The following RYR2 variants were observed in gnomAD, a reference collection of about 807,000 sequenced individuals.
RYR2 encodes cardiac muscle ryanodine receptor-calcium release channel.
A neutral mutation model predicts 601.1 loss-of-function variants in RYR2; 227 were observed. That is an observed-to-expected ratio of 0.38 (90% CI 0.34 to 0.42). The LOEUF is 0.42. Among genes scored for constraint, RYR2 ranks in the 10% least tolerant of loss-of-function variants. The probability of loss-of-function intolerance (pLI) is 1.00; values close to 1 mark genes in which losing one functional copy is unlikely to be tolerated. For synonymous variants in RYR2, 2,223 were observed against 2,175.1 expected, an observed-to-expected ratio of 1.02 and a Z score of -0.61; for missense variants, 4,646 against 6,156.5, an observed-to-expected ratio of 0.75 and a Z score of 8.21.
chr1:237,511,848 A>C (rs956215049), intron 24 of RYR2, 57 bp downstream of exon 24: 6 of 1,023,060 alleles, frequency 5.9e-6, no homozygotes, highest in South Asian at 3.5e-5. Context: ...AAAAAAAAAA[A>C]AAAAAAAAAA....
chr1:237,614,399 C>T lies in RYR2; in HGVS notation c.5271C>T (p.Leu1757=). The T allele has an allele frequency of 6.2e-7, 1 of 1,614,040 alleles. No homozygotes were observed. The highest frequency in any genetic ancestry group is 1.1e-5 in the South Asian group (1 of 91,086). ...CAGGGATCGGCCTCAGCACCTCCCT[C>T]AGGCCACGGATGCAGTTTTCCTCCC... ...GLPGIGLSTS[L]RPRMQFSSPS... is the part of the protein sequence containing the mutation. Residue 1757 remains leucine, a synonymous_variant, in exon 37 of 105, where the codon CTC becomes CTT. Transcript: ENST00000366574. The surrounding 1 kb of genome is among the most constrained non-coding windows in gnomAD (Gnocchi z 4.3).
chr1:237,258,212 T>G (rs1688181703), intron 1 of RYR2, among the ~76,000 whole-genome samples: 4 of 150,392 alleles, frequency 2.7e-5, no homozygotes, highest in African/African-American at 7.3e-5. Flanking sequence ...AGAAAAGGGC[T>G]TTGCACATCT....
At chr1:237,092,532 C>CT (rs1218132883) in intron 1 of RYR2, among the ~76,000 whole-genome samples, 48 of 99,126 alleles carry the variant, frequency 4.8e-4, no homozygotes, top group African/African-American at 1.6e-3. Context: ...TTTTTTTTTC[C>CT]TTTTTTTTTG....
At chr1:237,224,479 A>G (rs976685698) in intron 1 of RYR2, among the ~76,000 whole-genome samples, 5 of 152,178 alleles carry the variant, frequency 3.3e-5, no homozygotes. Flanking sequence ...TCTATTAGTA[A>G]TGGTAATAGC....
chr1:237,443,891 A>G (rs1049564315), intron 13 of RYR2, among the ~76,000 whole-genome samples: 13 of 152,196 alleles, frequency 8.5e-5, no homozygotes, highest in African/African-American at 3.1e-4. Context: ...CTCACCTGTG[A>G]AACCAGCTGG....
chr1:237,755,038 C>T (rs1276606499), intron 80 of RYR2: 1 of 1,280,588 alleles, frequency 7.8e-7, no homozygotes, highest in South Asian at 1.3e-5. Flanking sequence ...CAAAAAAAAC[C>T]CTGATCAATT....
intron 100 of RYR2, 66 bp from the exon 101 acceptor site, chr1:237,818,970 C>G (rs2275691): frequency 7.0e-7 from 1 of 1,428,410 alleles, no homozygotes; most frequent in South Asian, 1.3e-5. Context: ...AGAGATAACT[C>G]GGGTTTGTCG....
intron 14 of RYR2, among the ~76,000 whole-genome samples, chr1:237,452,439 TTAA>T (rs3035863): frequency 0.52 from 74,842 of 144,126 alleles, 20,808 homozygotes; most frequent in East Asian, 0.74. Flanking sequence ...ATATTATACA[TTAA>T]TAATATACTA....
At chr1:237,441,165 C>T (rs927193400) in intron 12 of RYR2, among the ~76,000 whole-genome samples, 154 bp from the exon 13 acceptor site, 7 of 152,048 alleles carry the variant, frequency 4.6e-5, no homozygotes, top group Non-Finnish European at 7.4e-5. Flanking sequence ...AGTTAGAGGT[C>T]GAACTGTTAG....
chr1:237,414,887 AG>A (rs1704805983), intron 10 of RYR2, among the ~76,000 whole-genome samples: 1 of 152,210 alleles, frequency 6.6e-6, no homozygotes, highest in African/African-American at 2.4e-5. Context: ...AAACCCTCAA[AG>A]GGAGAGGATT....
Position 237,627,928 on chromosome 1 carries a change from G to T in RYR2, c.6288G>T (p.Gly2096=). ...VLLHRQYDGI[G]GLVRALPKTY... ...TCCATCGGCAGTATGACGGCATTGGGGGTCTTGTTCGGGCCCTGCCAAAGA... is the reference window on the plus strand; with the variant it reads ...TCCATCGGCAGTATGACGGCATTGGTGGTCTTGTTCGGGCCCTGCCAAAGA... Residue 2096 remains glycine (G), a synonymous_variant, in exon 41 of 105, where the codon GGG becomes GGT. Coordinates refer to ENST00000366574, the MANE Select transcript of RYR2 (RefSeq NM_001035.3). 6.2e-7 allele frequency: 1 copy of T among 1,613,388 alleles called. No homozygotes were observed. The highest frequency in any genetic ancestry group is 1.1e-5 in the South Asian group (1 of 91,044).
Position 237,787,980 on chromosome 1 carries a change from T to G in RYR2, c.13329-8T>G, listed in dbSNP as rs1342836896. ...GAGAGCTTATGTTTTGTTTGTTTGT[T>G]TTCATAGGGGAGAAGATGGAGAAAA... On this transcript the variant is annotated splice_polypyrimidine_tract_variant and splice_region_variant and intron_variant, in intron 91 of 104. Transcript: ENST00000366574. The G allele has an allele frequency of 1.3e-6, 2 of 1,579,940 alleles. No individual in the cohort carries two copies. Among genetic ancestry groups the G allele is most frequent in the Non-Finnish European group, 1.7e-6 (2 of 1,161,808 alleles).
intron 62 of RYR2, among the ~76,000 whole-genome samples, chr1:237,682,027 T>G (rs932779903): frequency 2.0e-5 from 3 of 152,176 alleles, no homozygotes; most frequent in Non-Finnish European, 4.4e-5. Context: ...AAAATTCAAA[T>G]AAATCAATGC....
intron 1 of RYR2, among the ~76,000 whole-genome samples, chr1:237,107,571 T>C (rs1207114693): frequency 6.6e-6 from 1 of 151,316 alleles, no homozygotes; most frequent in Non-Finnish European, 1.5e-5. Flanking sequence ...TCTGCAGCTT[T>C]AGTTTTACCA....
chr1:237,805,309 A>G (rs1476914186), intron 98 of RYR2, among the ~76,000 whole-genome samples: 1 of 152,112 alleles, frequency 6.6e-6, no homozygotes, highest in African/African-American at 2.4e-5. Context: ...AGCCAGGCGC[A>G]GTGGCTCACG....
intron 1 of RYR2, among the ~76,000 whole-genome samples, chr1:237,241,071 C>CA (rs1457013213): frequency 6.6e-6 from 1 of 152,158 alleles, no homozygotes; most frequent in Admixed American, 6.5e-5. Flanking sequence ...AGGCAGAAGA[C>CA]AAATCTCTTT....
chr1:237,529,609 T>C (rs1667919542), intron 24 of RYR2, among the ~76,000 whole-genome samples: 1 of 152,136 alleles, frequency 6.6e-6, no homozygotes, highest in Admixed American at 6.5e-5. Context: ...GATCAGACCT[T>C]AGAAATTCTG....
intron 91 of RYR2, among the ~76,000 whole-genome samples, chr1:237,786,426 C>A (rs114303935): frequency 3.3e-5 from 5 of 152,194 alleles, no homozygotes; most frequent in Admixed American, 6.5e-5. Context: ...ATTCCAAATG[C>A]GCTTTCATAG....
intron 61 of RYR2, among the ~76,000 whole-genome samples, chr1:237,679,613 A>G (rs924371855): frequency 2.0e-5 from 3 of 152,190 alleles, no homozygotes; most frequent in Non-Finnish European, 4.4e-5. Flanking sequence ...AATGGGAAAC[A>G]AACCCAGAAA....
Sources: allele counts gnomAD v4.1 joint callset (sites outside exome capture counted in the v4.1 genomes callset), GRCh38; gene constraint gnomAD v4.1.1; non-coding constraint Gnocchi (gnomAD v3.1); transcripts MANE v1.5; gene names NCBI Gene and HGNC (gene_info 2026-07-23, HGNC 2026-07-21).